The following ADGRB1 variants were observed in gnomAD, a reference collection of about 807,000 sequenced individuals.
The protein encoded by ADGRB1 is adhesion G protein-coupled receptor B1.
In ADGRB1, 36 loss-of-function variants were observed where a neutral mutation model predicts 175.7. The ratio of observed to expected loss-of-function variants is 0.20; its 90% CI spans 0.16 to 0.27. The LOEUF is 0.27. ADGRB1 is among the 10% of genes least tolerant of loss of function. ADGRB1 has a pLI of 1.00. For missense variants in ADGRB1, 1,731 were observed against 2,255.3 expected, an observed-to-expected ratio of 0.77 and a Z score of 4.71; for synonymous variants, 1,054 against 979.4, an observed-to-expected ratio of 1.08 and a Z score of -1.42.
chr8:142,484,062 C>G lies in ADGRB1; in HGVS notation c.2199+17C>G, dbSNP rs1469102126. 1 of 1,603,908 alleles carries G rather than the reference C, an allele frequency of 6.2e-7. No homozygotes were observed. Reference sequence around the variant, plus strand: ...GCCCAGCTGGTAGGGCCTGGGGCCCCTACGGTCAGCAGCCTCAGGAGGGGT... The same window carrying G: ...GCCCAGCTGGTAGGGCCTGGGGCCCGTACGGTCAGCAGCCTCAGGAGGGGT... On this transcript the variant is annotated intron_variant, in intron 12 of 30. Coordinates refer to ENST00000517894, the MANE Select transcript of ADGRB1 (RefSeq NM_001702.3).
chr8:142,486,678 T>C (rs1195168938), intron 13 of ADGRB1, among the ~76,000 whole-genome samples: 1 of 152,212 alleles, frequency 6.6e-6, no homozygotes, highest in Non-Finnish European at 1.5e-5. Context: ...CGGATCGACA[T>C]TCTTATTATA....
chr8:142,476,634 C>T lies in ADGRB1; in HGVS notation c.996C>T (p.Ala332=), dbSNP rs1327149345. Residue 332 remains alanine, a synonymous_variant, in exon 4 of 31, where the codon GCC becomes GCT. Coordinates refer to ENST00000517894, the MANE Select transcript of ADGRB1 (RefSeq NM_001702.3). ...GCCAGTCCCTGCGGTCCACAGATGC[C>T]CGGCGGCGCGAGGAGCTGGGGGACG... ...SRSQSLRSTD[A]RRREELGDEL... The T allele has an allele frequency of 1.3e-6, 2 of 1,548,700 alleles. No individual in the cohort carries two copies. Among genetic ancestry groups the T allele is most frequent in the South Asian group, 2.4e-5 (2 of 83,986 alleles).
rs974292020 is a variant in ADGRB1, at chr8:142,493,398, C to T, written c.2675+2583C>T. Among the ~76,000 whole-genome samples the T allele has an allele frequency of 1.3e-4, 20 of 152,084 alleles. No individual in the cohort carries two copies. The highest frequency in any genetic ancestry group is 2.0e-4 in the Admixed American group (3 of 15,290). ...GCGGTCAAGTCCCCAGGGTGTTTGG[C>T]GTCCGCGTGGCCTCTGTCGACCCTA... On this transcript the variant is annotated intron_variant, in intron 17 of 30. Transcript: ENST00000517894. This position sits in a 1 kb window ranked among gnomAD's most constrained non-coding sequence, Gnocchi z 5.0.
rs1167503661 is a variant in ADGRB1 at position 142,481,600 on chromosome 8, T to A, written c.2019T>A (p.Ser673=). 2 of 1,602,234 alleles carry A rather than the reference T, an allele frequency of 1.2e-6. No individual in the cohort carries two copies. ...SEVIQTLVEI[S]QDGTSYSGDL... ...TCATCCAGACACTGGTGGAGATCTC[T>A]CAGGACGGGACCAGCTACAGTGGGG... is the stretch of plus-strand genomic sequence containing the variant. Residue 673 remains serine (S), a synonymous_variant, in exon 11 of 31, where the codon TCT becomes TCA. Transcript: ENST00000517894.
At chr8:142,469,753 C>G (rs902798098) in intron 2 of ADGRB1, among the ~76,000 whole-genome samples, 9 of 147,900 alleles carry the variant, frequency 6.1e-5, no homozygotes, top group Non-Finnish European at 1.5e-5. Flanking sequence ...GTGTGAGTGC[C>G]TGTGTGAATG....
At position 142,533,448 on chromosome 8, in the gene ADGRB1, C is replaced by T. The variant is rs776839402; in HGVS notation, c.3552C>T (p.His1184=). Residue 1184 remains histidine (H), a synonymous_variant, in exon 25 of 31, where the codon CAC becomes CAT. Coordinates refer to ENST00000517894, the MANE Select transcript of ADGRB1 (RefSeq NM_001702.3). The part of the protein sequence containing the change: ...SLEGFVIVMV[H]CILRREVQDA... ...AGGGCTTCGTCATCGTCATGGTGCA[C>T]TGTATCCTCCGTAGAGAGGTGGGTG... The T allele has an allele frequency of 1.9e-6, 3 of 1,609,906 alleles. No homozygotes were observed. In the South Asian group the frequency reaches 3.3e-5, roughly 18 times the overall value.
At chr8:142,459,969 G>GGA (rs1255932159) in intron 1 of ADGRB1, among the ~76,000 whole-genome samples, 2 of 152,256 alleles carry the variant, frequency 1.3e-5, no homozygotes, top group African/African-American at 4.8e-5. Flanking sequence ...CTGGGTGCCA[G>GGA]GAGGGATCAG....
chr8:142,459,079 G>A (rs1046540278), intron 1 of ADGRB1, among the ~76,000 whole-genome samples: 11 of 152,228 alleles, frequency 7.2e-5, no homozygotes, highest in Admixed American at 4.6e-4. Flanking sequence ...ACCTGTTGCC[G>A]GGATGCCCGG....
At chr8:142,529,826 C>T (rs1053844139) in intron 24 of ADGRB1, among the ~76,000 whole-genome samples, 9 of 148,102 alleles carry the variant, frequency 6.1e-5, no homozygotes, top group East Asian at 2.0e-4. Context: ...GAGTGCAACC[C>T]GGTGTGTGTA....
rs1244996421 is a variant in ADGRB1 at position 142,455,374 on chromosome 8, G to A, written c.-220+5270G>A. 4.6e-5 allele frequency among the ~76,000 whole-genome samples: 7 copies of A among 152,004 alleles called. No individual in the cohort carries two copies. The highest frequency in any genetic ancestry group is 1.0e-4 in the Non-Finnish European group (7 of 68,022). On this transcript the variant is annotated intron_variant, in intron 1 of 30. Coordinates refer to ENST00000517894, the MANE Select transcript of ADGRB1 (RefSeq NM_001702.3). The surrounding 1 kb of genome is among the most constrained non-coding windows in gnomAD (Gnocchi z 4.9). ...CCCCCATGGCTGTCCTCCTGCTTGT[G>A]GCGTTCTGTTCTCTCGGGCATCCCT...
At chr8:142,498,549 G>A (rs933911506) in intron 17 of ADGRB1, among the ~76,000 whole-genome samples, 2 of 152,040 alleles carry the variant, frequency 1.3e-5, no homozygotes, top group African/African-American at 4.8e-5. Context: ...CGTAGATCTG[G>A]CCACACTGGC....
At chr8:142,528,558 C>T in intron 24 of ADGRB1, among the ~76,000 whole-genome samples, 1 of 152,034 alleles carries the variant, frequency 6.6e-6, no homozygotes, top group East Asian at 1.9e-4. Flanking sequence ...GCCGTCCCCG[C>T]ACCCCCTCGG....
At chr8:142,538,257 G>C (rs1181799416) in intron 26 of ADGRB1, among the ~76,000 whole-genome samples, 1 of 152,218 alleles carries the variant, frequency 6.6e-6, no homozygotes, top group Non-Finnish European at 1.5e-5. Context: ...TGGGTCCCGG[G>C]GTGCCCAGCC....
At chr8:142,489,538 A>T (rs1841884725) in intron 16 of ADGRB1, 100 bp downstream of exon 16, 1 of 1,288,434 alleles carries the variant, frequency 7.8e-7, no homozygotes, top group African/African-American at 1.5e-5. Context: ...CCTCCTCACA[A>T]CAGCTTTAAC....
intron 17 of ADGRB1, among the ~76,000 whole-genome samples, chr8:142,500,123 C>T (rs1046083139): frequency 6.6e-6 from 1 of 152,068 alleles, no homozygotes; most frequent in African/African-American, 2.4e-5. Context: ...TGCAAGACGC[C>T]AGTCCCATGG....
chr8:142,541,610 G>A (rs780141280), intron 27 of ADGRB1, among the ~76,000 whole-genome samples: 3 of 152,184 alleles, frequency 2.0e-5, no homozygotes, highest in African/African-American at 4.8e-5. Context: ...CTGTGCTTCC[G>A]GGAGTCAAGG....
In ADGRB1 at chr8:142,504,174, C is replaced by G. The variant is rs1196077139; in HGVS notation, c.2676-6758C>G. On this transcript the variant is annotated intron_variant, in intron 17 of 30. Coordinates refer to ENST00000517894, the MANE Select transcript of ADGRB1 (RefSeq NM_001702.3). The surrounding 1 kb of genome is among the most constrained non-coding windows in gnomAD (Gnocchi z 5.6). ...GGCCCTGAGCTTGGAGGGGCTAGAGCTGACCCAGGCCTGCCCTGGAGAGCC... is the reference window on the plus strand; with the variant it reads ...GGCCCTGAGCTTGGAGGGGCTAGAGGTGACCCAGGCCTGCCCTGGAGAGCC... 6.6e-6 allele frequency among the ~76,000 whole-genome samples: 1 copy of G among 152,208 alleles called. No homozygotes were observed. Among genetic ancestry groups the G allele is most frequent in the African/African-American group, 2.4e-5 (1 of 41,454 alleles).
At chr8:142,502,332 G>T (rs1842626292) in intron 17 of ADGRB1, among the ~76,000 whole-genome samples, 2 of 95,490 alleles carry the variant, frequency 2.1e-5, no homozygotes, top group Admixed American at 1.9e-4. Context: ...GGTAGTGATG[G>T]TGATGGTGGT....
rs1845497402 is a variant in ADGRB1 at position 142,544,947 on chromosome 8, CA to C, written c.*531del. ...GGACTGAGTCCCCTCCAGGAAGAAGCAGGGGGGAATCTATTTTTTCTCTCCT... is the reference window on the plus strand; with the variant it reads ...GGACTGAGTCCCCTCCAGGAAGAAGCGGGGGGAATCTATTTTTTCTCTCCT... On this transcript the variant is annotated 3_prime_UTR_variant, in exon 31 of 31. Coordinates refer to ENST00000517894, the MANE Select transcript of ADGRB1 (RefSeq NM_001702.3). 6.5e-6 allele frequency: 1 copy of C among 152,888 alleles called. No individual in the cohort carries two copies. The highest frequency in any genetic ancestry group is 1.5e-5 in the Non-Finnish European group (1 of 68,352). 9.5% of individuals were successfully genotyped at this position (152,888 alleles called of 1,614,324 possible).
Sources: gnomAD v4.1 joint callset for allele counts (sites outside exome capture counted in the v4.1 genomes callset) on GRCh38, gnomAD v4.1.1 for gene constraint, Gnocchi (gnomAD v3.1) non-coding constraint, MANE v1.5 for transcripts, NCBI Gene and HGNC (gene_info 2026-07-23, HGNC 2026-07-21) for gene names.